VPS13A: variants seen among roughly 807,000 people sequenced by gnomAD.
VPS13A encodes intermembrane lipid transfer protein VPS13A.
Under a neutral mutation model 390.9 loss-of-function variants are expected in VPS13A, and 264 were observed. The ratio of observed to expected loss-of-function variants is 0.68; its 90% CI spans 0.61 to 0.75. The LOEUF (loss-of-function observed/expected upper bound fraction) is 0.75. Among genes scored for constraint, VPS13A ranks in the 30% least tolerant of loss-of-function variants. VPS13A has a pLI of 0.00. For synonymous variants in VPS13A, 1,231 were observed against 1,227.1 expected, an observed-to-expected ratio of 1.00 and a Z score of -0.07; for missense variants, 3,409 against 3,733.9, an observed-to-expected ratio of 0.91 and a Z score of 2.27.
intron 23 of VPS13A, among the ~76,000 whole-genome samples, chr9:77,271,771 C>CCTAA (rs1376309913): frequency 5.9e-5 from 9 of 152,054 alleles, no homozygotes; most frequent in African/African-American, 2.2e-4. Context: ...TATTCTAAAA[C>CCTAA]CTAACAACTA....
intron 26 of VPS13A, among the ~76,000 whole-genome samples, chr9:77,277,797 A>G (rs1304876195): frequency 1.3e-5 from 2 of 152,120 alleles, no homozygotes; most frequent in African/African-American, 2.4e-5. Context: ...GATGCACCAC[A>G]GTTTATTTAT....
At chr9:77,220,111 T>G in intron 11 of VPS13A, 30 bp downstream of exon 11, 1 of 1,583,434 alleles carries the variant, frequency 6.3e-7, no homozygotes, top group Non-Finnish European at 8.6e-7. Flanking sequence ...TTTTCAATTG[T>G]GAATTATTGT....
intron 40 of VPS13A, 53 bp from the exon 41 acceptor site, chr9:77,318,182 C>T (rs1005177992): frequency 1.8e-5 from 17 of 959,104 alleles, no homozygotes; most frequent in East Asian, 2.5e-5. Context: ...TATTTCTTGA[C>T]GTAGTATGTT....
intron 34 of VPS13A, among the ~76,000 whole-genome samples, chr9:77,307,078 A>G (rs762829249): frequency 2.0e-5 from 3 of 151,604 alleles, no homozygotes; most frequent in African/African-American, 2.4e-5. Flanking sequence ...TAATTTTTGT[A>G]TTTTCGGTAG....
intron 41 of VPS13A, among the ~76,000 whole-genome samples, chr9:77,319,195 C>A (rs1327363711): frequency 1.6e-3 from 199 of 123,320 alleles, no homozygotes; most frequent in South Asian, 2.1e-3. Context: ...GACCCAGACT[C>A]AAAAAAAAAA....
At chr9:77,414,651 G>A (rs1305717179) in intron 71 of VPS13A, among the ~76,000 whole-genome samples, 2 of 151,798 alleles carry the variant, frequency 1.3e-5, no homozygotes. Flanking sequence ...ATGACGAGTT[G>A]ATGGGTGCAG....
chr9:77,281,432 C>T (rs760933960), intron 27 of VPS13A, among the ~76,000 whole-genome samples: 2 of 151,914 alleles, frequency 1.3e-5, no homozygotes, highest in Non-Finnish European at 2.9e-5. Context: ...ATTTGTCAAT[C>T]AAAAATATTA....
intron 40 of VPS13A, 127 bp from the exon 41 acceptor site, chr9:77,318,108 T>C (rs530108630): frequency 9.2e-6 from 5 of 543,316 alleles, no homozygotes; most frequent in African/African-American, 2.0e-5. Context: ...AACAATAAAT[T>C]GTATCTTCTA....
At position 77,238,315 on chromosome 9, in the gene VPS13A, A is replaced by T. The variant is rs1248535974; in HGVS notation, c.1829A>T (p.Glu610Val). ...SIVEFFRPPK[E>V]VHLAQLTAAT... ...GTGGAATTCTTCAGACCTCCAAAAG[A>T]GGTACATCTAGCACAGCTCACTGCA... Residue 610 changes from glutamate to valine, a missense_variant, in exon 19 of 72, where the codon GAG (glutamate) becomes GTG (valine). Physicochemically the swap from Glu to Val is moderately radical, Grantham distance 121 (BLOSUM62 -2). This residue lies in a region of VPS13A where 2,717 missense variants were observed against 2,917.4 expected (regional missense o/e 0.93). Coordinates refer to ENST00000360280, the MANE Select transcript of VPS13A (RefSeq NM_033305.3). The T allele has an allele frequency of 2.5e-6, 4 of 1,614,054 alleles. No individual in the cohort carries two copies. The Admixed American group carries it at 6.7e-5, about 27-fold the overall frequency.
At chr9:77,214,046 C>T (rs933420711) in intron 9 of VPS13A, among the ~76,000 whole-genome samples, 1 of 151,806 alleles carries the variant, frequency 6.6e-6, no homozygotes, top group Non-Finnish European at 1.5e-5. Flanking sequence ...GAGGCCGAGG[C>T]GGGTGGATCA....
intron 57 of VPS13A, among the ~76,000 whole-genome samples, chr9:77,358,781 T>C (rs1831959397): frequency 6.6e-6 from 1 of 152,236 alleles, no homozygotes; most frequent in African/African-American, 2.4e-5. Flanking sequence ...CAGCAGAAAC[T>C]GTCCTATGTT....
intron 1 of VPS13A, among the ~76,000 whole-genome samples, chr9:77,198,964 G>A (rs2131100443): frequency 6.6e-6 from 1 of 152,076 alleles, no homozygotes; most frequent in East Asian, 1.9e-4. Flanking sequence ...CTCCCGGCTG[G>A]GATCCTGTTT....
intron 68 of VPS13A, among the ~76,000 whole-genome samples, chr9:77,392,225 CATG>C (rs1406158389): frequency 6.6e-6 from 1 of 152,044 alleles, no homozygotes; most frequent in Non-Finnish European, 1.5e-5. Flanking sequence ...TTGCAAGAGA[CATG>C]ATAACAGTTT....
chr9:77,210,582 A>T, intron 6 of VPS13A, 34 bp from the exon 7 acceptor site: 3 of 1,605,894 alleles, frequency 1.9e-6, no homozygotes, highest in Non-Finnish European at 2.6e-6. Flanking sequence ...AACTACTAAA[A>T]ATCTGAATAA....
At chr9:77,394,031 G>A (rs1834015543) in intron 68 of VPS13A, among the ~76,000 whole-genome samples, 1 of 151,908 alleles carries the variant, frequency 6.6e-6, no homozygotes, top group East Asian at 1.9e-4. Context: ...GCGTCCCAAA[G>A]TGCTAGGATT....
intron 68 of VPS13A, among the ~76,000 whole-genome samples, chr9:77,401,329 TTGTGTGTGTGTGTGTGTG>T (rs4012461): frequency 0.017 from 2,346 of 140,520 alleles, 60 homozygotes; most frequent in African/African-American, 0.057. Context: ...TCACATGAAG[TTGTGTGTGTGTGTGTGTG>T]TGTGTGTGTG....
chr9:77,407,436 A>G, intron 70 of VPS13A, 97 bp from the exon 71 acceptor site: 2 of 950,814 alleles, frequency 2.1e-6, no homozygotes, highest in Non-Finnish European at 3.4e-6. Context: ...TATAAGAGGG[A>G]CACTTTAGGC....
chr9:77,351,100 C>A, intron 52 of VPS13A: 1 of 467,300 alleles, frequency 2.1e-6, no homozygotes, highest in Non-Finnish European at 3.7e-6. Flanking sequence ...CCTTTATTTC[C>A]TAAGTAGAAC....
At chr9:77,305,097 C>T (rs1828651104) in intron 34 of VPS13A, among the ~76,000 whole-genome samples, 1 of 152,094 alleles carries the variant, frequency 6.6e-6, no homozygotes, top group South Asian at 2.1e-4. Flanking sequence ...CGCCACCGCG[C>T]CCGGCTAATT....
Sources: gnomAD v4.1 joint callset for allele counts (sites outside exome capture counted in the v4.1 genomes callset) on GRCh38, gnomAD v4.1.1 for gene constraint, gnomAD v4.1.1 regional missense constraint, MANE v1.5 for transcripts, NCBI Gene and HGNC (gene_info 2026-07-23, HGNC 2026-07-21) for gene names.